FKBP7: variants seen among roughly 807,000 people sequenced by gnomAD.
FKBP7 encodes the protein FKBP prolyl isomerase 7, also known as peptidyl-prolyl cis-trans isomerase FKBP7.
In FKBP7, 24 loss-of-function variants were observed where a neutral mutation model predicts 24.3. The ratio of observed to expected loss-of-function variants is 0.99; its 90% confidence interval spans 0.72 to 1.39. FKBP7 has a LOEUF of 1.39. Ranked by LOEUF, FKBP7 falls within the 40% of genes most tolerant of loss-of-function variation. The pLI is 0.00. For synonymous variants in FKBP7, 98 were observed against 92.8 expected (o/e 1.06, Z -0.32); for missense variants, 257 against 269.5 (o/e 0.95, Z 0.33).
At chr2:178,470,640 G>A (rs762413219) in intron 2 of FKBP7, among the ~76,000 whole-genome samples, 11 of 151,944 alleles carry the variant, frequency 7.2e-5, no homozygotes, top group Non-Finnish European at 1.5e-4. Context: ...TAAAAAATAA[G>A]TGCAATGATA....
At chr2:178,470,895 T>C (rs1684830796) in intron 2 of FKBP7, among the ~76,000 whole-genome samples, 1 of 152,240 alleles carries the variant, frequency 6.6e-6, no homozygotes, top group Non-Finnish European at 1.5e-5. Flanking sequence ...TTATTTTTTT[T>C]GAGACGGCGT....
chr2:178,471,076 G>T (rs181948387), intron 2 of FKBP7, among the ~76,000 whole-genome samples: 12 of 152,088 alleles, frequency 7.9e-5, no homozygotes, highest in Admixed American at 7.2e-4. Flanking sequence ...TGTTGGCCAG[G>T]CTAGTCTTGA....
chr2:178,469,725 G>A lies in FKBP7; in HGVS notation c.434C>T (p.Thr145Ile), dbSNP rs778129629. ...TGTCTCAATGCTCCGTGGTCCTTTG[G>A]TCACAGCATAAAGTTCAATCTCAAA... The part of the protein sequence containing the change: ...LIFEIELYAV[T>I]KGPRSIETFK... The change falls in exon 3 of 4, where the codon ACC (threonine) becomes ATC (isoleucine). Residue 145 changes from threonine to isoleucine, a missense_variant. By Grantham distance (89) the Thr-to-Ile change is moderately conservative. Coordinates refer to ENST00000424785, the MANE Select transcript of FKBP7 (RefSeq NM_181342.3). 6.8e-6 allele frequency: 11 copies of A among 1,613,828 alleles called. No homozygotes were observed. The highest frequency in any genetic ancestry group is 9.3e-6 in the Non-Finnish European group (11 of 1,179,926).
chr2:178,468,100 G>A (rs759195428), intron 3 of FKBP7, among the ~76,000 whole-genome samples: 1 of 152,132 alleles, frequency 6.6e-6, no homozygotes, highest in Non-Finnish European at 1.5e-5. Flanking sequence ...TGGAGAGGGA[G>A]ATGAAAAAGA....
rs1172225428 is a variant in FKBP7, at chr2:178,465,492, GA to G, written c.*277del. 11 of 235,550 alleles carry G rather than the reference GA, an allele frequency of 4.7e-5. No homozygotes were observed. The South Asian group carries it at 4.9e-4, about 10-fold the overall frequency. The allele number at this position is 235,550 out of a possible 1,614,324, so 14.6% of individuals were successfully genotyped here. A position where few individuals can be genotyped will look rare whatever the true frequency, so the allele number is the denominator to read the frequency against. ...TACTATACATGTCCTCCTACATCCT[GA>G]AAGGGGAAAAAATGCCCACTGGGAC... is the stretch of plus-strand genomic sequence containing the variant. On this transcript the variant is annotated 3_prime_UTR_variant, in exon 4 of 4. Transcript: ENST00000424785.
chr2:178,478,067 A>T (rs1418174620), intron 1 of FKBP7, among the ~76,000 whole-genome samples: 1 of 152,132 alleles, frequency 6.6e-6, no homozygotes, highest in Non-Finnish European at 1.5e-5. Context: ...TTGATAATTT[A>T]TTGCCACAAC....
chr2:178,472,917 T>TAAA (rs368700753), intron 2 of FKBP7: 4 of 239,778 alleles, frequency 1.7e-5, no homozygotes, highest in East Asian at 2.7e-4. Flanking sequence ...TTTTTTTTTT[T>TAAA]AAAAAAAACT....
intron 3 of FKBP7, among the ~76,000 whole-genome samples, chr2:178,468,330 G>T (rs1299050116): frequency 6.6e-6 from 1 of 152,062 alleles, no homozygotes; most frequent in Non-Finnish European, 1.5e-5. Flanking sequence ...GATTTTCTCT[G>T]AAAGAAGCAG....
chr2:178,478,588 T>C lies in FKBP7; in HGVS notation c.-89A>G, dbSNP rs978137252. On this transcript the variant is annotated 5_prime_UTR_variant, in exon 1 of 4. Transcript: ENST00000424785. ...CCGAGTTCCGACGCGTGGCAGGCGT[T>C]GTCCTGCGTCACAAAGGGCCGGGGC... is the stretch of plus-strand genomic sequence containing the variant. 9 of 1,562,770 alleles carry C rather than the reference T, an allele frequency of 5.8e-6. No individual in the cohort carries two copies. Among genetic ancestry groups the C allele is most frequent in the Non-Finnish European group, 7.8e-6 (9 of 1,161,218 alleles).
Position 178,464,725 on chromosome 2 carries a change from T to G in FKBP7, c.*1045A>C, listed in dbSNP as rs1684606713. On this transcript the variant is annotated 3_prime_UTR_variant, in exon 4 of 4. Transcript: ENST00000424785. ...TGTTCCGATAGACATGTGCCCTTTC[T>G]TTGGTACCAACGTGATCTTCTACAG... 6.6e-6 allele frequency: 1 copy of G among 152,248 alleles called. No individual in the cohort carries two copies. The highest frequency in any genetic ancestry group is 1.5e-5 in the Non-Finnish European group (1 of 68,046). The allele number at this position is 152,248 out of a possible 1,614,324, so 9.4% of individuals were successfully genotyped here.
intron 2 of FKBP7, among the ~76,000 whole-genome samples, chr2:178,475,512 G>A (rs1422462325): frequency 6.6e-6 from 1 of 152,156 alleles, no homozygotes; most frequent in African/African-American, 2.4e-5. Flanking sequence ...TTACAGGCAT[G>A]AGCCACCACA....
At chr2:178,474,135 T>G (rs960379739) in intron 2 of FKBP7, among the ~76,000 whole-genome samples, 2 of 152,194 alleles carry the variant, frequency 1.3e-5, no homozygotes, top group Non-Finnish European at 2.9e-5. Flanking sequence ...CATGAAATAT[T>G]TGGGAGCAAT....
intron 1 of FKBP7, among the ~76,000 whole-genome samples, chr2:178,477,920 C>T (rs1487816154): frequency 1.3e-5 from 2 of 151,960 alleles, no homozygotes; most frequent in Non-Finnish European, 2.9e-5. Context: ...CTCTTTATTC[C>T]ATGTATTCCT....
chr2:178,477,278 G>C lies in FKBP7; in HGVS notation c.222-65C>G, dbSNP rs957056239. 32 of 1,542,698 alleles carry C rather than the reference G, an allele frequency of 2.1e-5. No homozygotes were observed. The African/African-American group carries it at 4.3e-4, about 21-fold the overall frequency. ...AAATCAAACTTGAAAATACAGCTGGGCATTTAAAATTGGAGTCCTCTCTAA... is the reference window on the plus strand; with the variant it reads ...AAATCAAACTTGAAAATACAGCTGGCCATTTAAAATTGGAGTCCTCTCTAA... On this transcript the variant is annotated intron_variant, in intron 1 of 3. Coordinates refer to ENST00000424785, the MANE Select transcript of FKBP7 (RefSeq NM_181342.3).
intron 2 of FKBP7, among the ~76,000 whole-genome samples, chr2:178,470,882 T>C (rs1442781975): frequency 2.6e-5 from 4 of 152,354 alleles, no homozygotes; most frequent in South Asian, 4.1e-4. Flanking sequence ...TTTTTATTTT[T>C]ATTTATTTTT....
intron 2 of FKBP7, chr2:178,473,046 A>G: frequency 7.7e-7 from 1 of 1,293,956 alleles, no homozygotes. Context: ...ATTGTTATTT[A>G]AGCACTAACA....
chr2:178,474,926 G>C lies in FKBP7; in HGVS notation c.373+2136C>G, dbSNP rs144893207. Among the ~76,000 whole-genome samples the C allele has an allele frequency of 4.7e-4, 71 of 152,186 alleles. 3 individuals are homozygous for C. In the East Asian group the frequency reaches 0.013, roughly 29 times the overall value. ...TGCTTTCAGACTCCTGGGCTCAAGTGATCCTCCCACCTTAGCCTCTCAAAG... is the reference window on the plus strand; with the variant it reads ...TGCTTTCAGACTCCTGGGCTCAAGTCATCCTCCCACCTTAGCCTCTCAAAG... On this transcript the variant is annotated intron_variant, in intron 2 of 3. Transcript: ENST00000424785.
At chr2:178,471,721 C>T (rs773938378) in intron 2 of FKBP7, among the ~76,000 whole-genome samples, 13 of 152,102 alleles carry the variant, frequency 8.5e-5, no homozygotes, top group Non-Finnish European at 1.5e-4. Context: ...AATGTTTGTC[C>T]TTGGAAGGAA....
intron 3 of FKBP7, 41 bp downstream of exon 3, chr2:178,469,611 T>TA (rs766964996): frequency 7.5e-6 from 12 of 1,607,480 alleles, no homozygotes; most frequent in East Asian, 2.2e-5. Context: ...TAAACTGTGA[T>TA]AAAAAAATTA....
Sources: gnomAD v4.1 joint callset for allele counts (sites outside exome capture counted in the v4.1 genomes callset) on GRCh38, gnomAD v4.1.1 for gene constraint, MANE v1.5 for transcripts, NCBI Gene and HGNC (gene_info 2026-07-23, HGNC 2026-07-21) for gene names.